The following ROR1 variants were observed in gnomAD, a reference collection of about 807,000 sequenced individuals.
ROR1 encodes the protein inactive tyrosine-protein kinase transmembrane receptor ROR1.
Under a neutral mutation model 78.8 loss-of-function variants are expected in ROR1, and 19 were observed. The ratio of observed to expected loss-of-function variants is 0.24; its 90% CI spans 0.17 to 0.35. The LOEUF (loss-of-function observed/expected upper bound fraction) is 0.35, where lower values mean the gene tolerates loss of function less well. ROR1 is among the 10% of genes least tolerant of loss of function. The probability of loss-of-function intolerance (pLI) is 1.00; values close to 1 mark genes in which losing one functional copy is unlikely to be tolerated. For missense variants in ROR1, 917 were observed against 1,177.8 expected, an observed-to-expected ratio of 0.78 and a Z score of 3.24; for synonymous variants, 386 against 433.6, an observed-to-expected ratio of 0.89 and a Z score of 1.36.
chr1:64,027,242 C>T lies in ROR1; in HGVS notation c.163+17866C>T, dbSNP rs139952386. Among the ~76,000 whole-genome samples, 178 of 152,236 alleles carry T rather than the reference C, an allele frequency of 1.2e-3. 1 individual carries two copies. The highest frequency in any genetic ancestry group is 0.01 in the Middle Eastern group (3 of 294). The stretch of plus-strand genomic sequence containing the variant: ...CTCTTCTTTCTCTGACTAAAGTTTC[C>T]ATTCATTTCATTATCCCCTTCCTAG... On this transcript the variant is annotated intron_variant, in intron 2 of 8. Coordinates refer to ENST00000371079, the MANE Select transcript of ROR1 (RefSeq NM_005012.4).
intron 1 of ROR1, among the ~76,000 whole-genome samples, chr1:63,807,386 G>A (rs191451540): frequency 2.6e-4 from 39 of 152,262 alleles, no homozygotes; most frequent in Non-Finnish European, 4.6e-4. Context: ...ATGAGAGAAG[G>A]GGACAATGCC....
At chr1:64,087,059 G>C (rs1647160909) in intron 4 of ROR1, among the ~76,000 whole-genome samples, 2 of 152,118 alleles carry the variant, frequency 1.3e-5, no homozygotes, top group South Asian at 4.1e-4. Context: ...GAAACATATA[G>C]AGAATATCAA....
intron 7 of ROR1, among the ~76,000 whole-genome samples, chr1:64,151,309 C>T (rs926154238): frequency 6.6e-5 from 10 of 152,156 alleles, no homozygotes; most frequent in African/African-American, 2.4e-4. Flanking sequence ...CAACCCTCAG[C>T]AACCCAGCAA....
At chr1:63,800,301 G>C (rs905360577) in intron 1 of ROR1, among the ~76,000 whole-genome samples, 5 of 152,180 alleles carry the variant, frequency 3.3e-5, no homozygotes, top group African/African-American at 4.8e-5. Flanking sequence ...TCACTTGTTT[G>C]TGAATTGATT....
chr1:64,115,928 T>C (rs1397433025), intron 4 of ROR1, among the ~76,000 whole-genome samples: 2 of 152,180 alleles, frequency 1.3e-5, no homozygotes, highest in South Asian at 2.1e-4. Flanking sequence ...CACCTGCCAA[T>C]AAATGGTCAA....
intron 3 of ROR1, 122 bp downstream of exon 3, chr1:64,050,100 A>G (rs1238130275): frequency 4.5e-6 from 5 of 1,110,810 alleles, no homozygotes; most frequent in Non-Finnish European, 6.4e-6. Flanking sequence ...TGTGCCCACA[A>G]CCCTAAACCT....
rs1295747123 is a variant in ROR1, at chr1:64,177,526, A to G, written c.1485A>G (p.Pro495=). Residue 495 remains proline, a synonymous_variant, in exon 9 of 9, where the codon CCA becomes CCG. Transcript: ENST00000371079. ...GKIYKGHLYL[P]GMDHAQLVAI... is the part of the protein sequence containing the mutation. ...TCTATAAAGGCCATCTCTATCTCCC[A>G]GGCATGGACCATGCTCAGCTGGTTG... 5 of 1,614,168 alleles carry G rather than the reference A, an allele frequency of 3.1e-6. No homozygotes were observed. The South Asian group carries it at 5.5e-5, about 18-fold the overall frequency.
chr1:64,166,838 C>T (rs186045971), intron 8 of ROR1, among the ~76,000 whole-genome samples: 37 of 152,280 alleles, frequency 2.4e-4, no homozygotes, highest in East Asian at 2.3e-3. Context: ...ACAGTGAGGG[C>T]TGGGAGGCTG....
At chr1:64,022,675 G>A (rs527568246) in intron 2 of ROR1, among the ~76,000 whole-genome samples, 22 of 152,114 alleles carry the variant, frequency 1.4e-4, no homozygotes, top group African/African-American at 2.2e-4. Context: ...ATGTCTACAC[G>A]AAGTCATTCC....
At chr1:63,800,520 G>A (rs1490552915) in intron 1 of ROR1, among the ~76,000 whole-genome samples, 1 of 152,146 alleles carries the variant, frequency 6.6e-6, no homozygotes, top group Admixed American at 6.5e-5. Context: ...AGGACTAGGA[G>A]CTGGGGAGGC....
At chr1:64,177,353 G>A (rs1015502907) in intron 8 of ROR1, 75 bp from the exon 9 acceptor site, 54 of 1,077,544 alleles carry the variant, frequency 5.0e-5, no homozygotes, top group Middle Eastern at 2.1e-4. Context: ...TATATGCCCC[G>A]TCCCTCCTTT....
At chr1:64,112,669 A>G (rs1296369470) in intron 4 of ROR1, among the ~76,000 whole-genome samples, 1 of 151,366 alleles carries the variant, frequency 6.6e-6, no homozygotes, top group Non-Finnish European at 1.5e-5. Flanking sequence ...TGCTTTGTTG[A>G]CTTCTCTTCC....
intron 1 of ROR1, among the ~76,000 whole-genome samples, chr1:63,806,342 G>T (rs1395141614): frequency 4.1e-5 from 6 of 147,210 alleles, no homozygotes; most frequent in African/African-American, 1.3e-4. Context: ...TTTTGAGATG[G>T]AGTCTCGCTC....
At chr1:64,068,828 A>G (rs1407013006) in intron 4 of ROR1, among the ~76,000 whole-genome samples, 1 of 152,164 alleles carries the variant, frequency 6.6e-6, no homozygotes, top group Non-Finnish European at 1.5e-5. Flanking sequence ...CTGCAAATTG[A>G]CATTTCTTTG....
At chr1:64,100,328 A>C (rs1165972980) in intron 4 of ROR1, among the ~76,000 whole-genome samples, 2 of 152,006 alleles carry the variant, frequency 1.3e-5, no homozygotes, top group African/African-American at 4.8e-5. Context: ...CTAAAAATAA[A>C]AAATAAAAAA....
At chr1:63,849,460 G>A (rs1203370483) in intron 1 of ROR1, among the ~76,000 whole-genome samples, 1 of 152,184 alleles carries the variant, frequency 6.6e-6, no homozygotes, top group Non-Finnish European at 1.5e-5. Context: ...CATTTTTGGA[G>A]GCTGAGGCTG....
At position 63,866,391 on chromosome 1, in the gene ROR1, G is replaced by A. The variant is rs1645215578; in HGVS notation, c.91+91883G>A. ...AAATATGGGCAAGGCAAATGTGGCTGCTCATTGCAAAACCCACCAAGGTGT... is the reference window on the plus strand; with the variant it reads ...AAATATGGGCAAGGCAAATGTGGCTACTCATTGCAAAACCCACCAAGGTGT... On this transcript the variant is annotated intron_variant, in intron 1 of 8. Transcript: ENST00000371079. 2.0e-5 allele frequency among the ~76,000 whole-genome samples: 3 copies of A among 152,174 alleles called. No individual in the cohort carries two copies. In the South Asian group the frequency reaches 6.2e-4, roughly 32 times the overall value.
intron 1 of ROR1, among the ~76,000 whole-genome samples, chr1:63,913,855 G>C (rs891034649): frequency 5.3e-5 from 8 of 152,188 alleles, no homozygotes; most frequent in Admixed American, 2.0e-4. Context: ...TTTTACACAT[G>C]ATGAGCACTT....
intron 1 of ROR1, among the ~76,000 whole-genome samples, chr1:63,898,419 A>G (rs1479822834): frequency 6.6e-6 from 1 of 151,914 alleles, no homozygotes; most frequent in Non-Finnish European, 1.5e-5. Context: ...AAAGAATAAA[A>G]GAAGAAGAAA....
Sources: gnomAD v4.1 joint callset for allele counts (sites outside exome capture counted in the v4.1 genomes callset) on GRCh38, gnomAD v4.1.1 for gene constraint, MANE v1.5 for transcripts, NCBI Gene and HGNC (gene_info 2026-07-23, HGNC 2026-07-21) for gene names.